FAF1: variants seen among roughly 807,000 people sequenced by gnomAD.
FAF1 encodes the protein FAS-associated factor 1.
A neutral mutation model predicts 92.5 loss-of-function variants in FAF1; 25 were observed. The observed-to-expected ratio is 0.27, with a 90% CI of 0.20 to 0.38. The LOEUF is 0.38. FAF1 is among the 10% of genes least tolerant of loss of function. The pLI is 1.00. For missense variants in FAF1, 636 were observed against 793.3 expected, an observed-to-expected ratio of 0.80 and a Z score of 2.38; for synonymous variants, 234 against 273.2, an observed-to-expected ratio of 0.86 and a Z score of 1.42.
intron 1 of FAF1, among the ~76,000 whole-genome samples, chr1:50,873,090 G>A (rs187255399): frequency 4.3e-4 from 66 of 152,206 alleles, no homozygotes; most frequent in Non-Finnish European, 6.5e-4. Flanking sequence ...CCCTTCACCA[G>A]CAAAAAGATT....
At chr1:50,806,172 CAAGTCAATAAGAAAATGGGGGA>C (rs369142458) in intron 2 of FAF1, among the ~76,000 whole-genome samples, 1,970 of 151,886 alleles carry the variant, frequency 0.013, 41 homozygotes, top group African/African-American at 0.044. Context: ...CTTAACAAGA[CAAGTCAATAAGAAAATGGGGGA>C]AAGTCAATAA....
chr1:50,731,687 A>C (rs1390663362), intron 6 of FAF1, among the ~76,000 whole-genome samples: 1 of 152,036 alleles, frequency 6.6e-6, no homozygotes, highest in African/African-American at 2.4e-5. Flanking sequence ...TTGTCTTCTA[A>C]TTGGTGGACT....
rs746244187 is a variant in FAF1 at position 50,653,403 on chromosome 1, TG to T, written c.744+2038del. On this transcript the variant is annotated intron_variant, in intron 8 of 18. Coordinates refer to ENST00000396153, the MANE Select transcript of FAF1 (RefSeq NM_007051.3). ...GTTTTGCTCTTATTGCCCAGTGGAG[TG>T]CAATGGCACAATCTTGGCTCACTGC... Among the ~76,000 whole-genome samples the T allele has an allele frequency of 2.0e-5, 3 of 152,152 alleles. No individual in the cohort carries two copies. The East Asian group carries it at 5.8e-4, about 29-fold the overall frequency.
chr1:50,941,039 T>G (rs1291823277), intron 1 of FAF1, among the ~76,000 whole-genome samples: 8 of 151,844 alleles, frequency 5.3e-5, no homozygotes, highest in Non-Finnish European at 5.9e-5. Context: ...TTTGGTTTTT[T>G]TTTTTTTTTT....
At chr1:50,627,408 C>T (rs1361748232) in intron 8 of FAF1, among the ~76,000 whole-genome samples, 1 of 151,980 alleles carries the variant, frequency 6.6e-6, no homozygotes, top group East Asian at 1.9e-4. Flanking sequence ...TTTTAAATAG[C>T]CCAGAAGTGA....
intron 2 of FAF1, among the ~76,000 whole-genome samples, chr1:50,850,934 C>T (rs1644343397): frequency 6.6e-6 from 1 of 152,118 alleles, no homozygotes; most frequent in Non-Finnish European, 1.5e-5. Flanking sequence ...GTGTGCTAAA[C>T]CACTGACTTT....
intron 6 of FAF1, among the ~76,000 whole-genome samples, chr1:50,707,072 G>A (rs1355075137): frequency 3.3e-5 from 5 of 151,908 alleles, no homozygotes; most frequent in East Asian, 3.9e-4. Flanking sequence ...GTGTGGTGGC[G>A]GGCACCTGTA....
intron 15 of FAF1, among the ~76,000 whole-genome samples, chr1:50,532,941 A>G (rs1648258917): frequency 6.6e-6 from 1 of 152,168 alleles, no homozygotes; most frequent in Admixed American, 6.5e-5. Flanking sequence ...CCTTCTGAGT[A>G]GCTAGGACTA....
At chr1:50,821,876 T>A (rs544456461) in intron 2 of FAF1, among the ~76,000 whole-genome samples, 3 of 152,068 alleles carry the variant, frequency 2.0e-5, no homozygotes, top group African/African-American at 7.2e-5. Context: ...AAGAAGTAGA[T>A]TGCAGACAAC....
At chr1:50,475,326 T>A in intron 18 of FAF1, 138 bp downstream of exon 18, 7 of 646,176 alleles carry the variant, frequency 1.1e-5, no homozygotes, top group South Asian at 8.3e-5. Flanking sequence ...GAGAGAATGG[T>A]GTGCAGAACA....
intron 15 of FAF1, among the ~76,000 whole-genome samples, chr1:50,533,239 T>C (rs1363626138): frequency 1.3e-5 from 2 of 152,086 alleles, no homozygotes; most frequent in African/African-American, 4.8e-5. Flanking sequence ...CCCTGGCTAA[T>C]TTTTGTATTT....
At chr1:50,725,218 A>C (rs1658594195) in intron 6 of FAF1, among the ~76,000 whole-genome samples, 1 of 152,098 alleles carries the variant, frequency 6.6e-6, no homozygotes, top group Non-Finnish European at 1.5e-5. Context: ...GAACACCTAA[A>C]ACTCTAGAAG....
chr1:50,745,699 G>C (rs1010838134), intron 4 of FAF1, among the ~76,000 whole-genome samples: 1 of 152,150 alleles, frequency 6.6e-6, no homozygotes, highest in Non-Finnish European at 1.5e-5. Context: ...TTCCTATAAA[G>C]TCCATGGAAC....
At chr1:50,829,774 A>C (rs150953606) in intron 2 of FAF1, among the ~76,000 whole-genome samples, 26 of 152,368 alleles carry the variant, frequency 1.7e-4, no homozygotes, top group African/African-American at 5.8e-4. Context: ...CTGAGTTGCC[A>C]ATTATTGACA....
chr1:50,825,413 A>G (rs1242646318), intron 2 of FAF1, among the ~76,000 whole-genome samples: 1 of 152,134 alleles, frequency 6.6e-6, no homozygotes, highest in Non-Finnish European at 1.5e-5. Context: ...GTCCTATGTA[A>G]TACAAGACAT....
In FAF1 at chr1:50,696,709, G is replaced by A. The variant is rs372948241; in HGVS notation, c.657+9077C>T. On this transcript the variant is annotated intron_variant, in intron 7 of 18. Transcript: ENST00000396153. ...AAGTACAAACAGAATTGGTTTCTCT[G>A]TGTCACTCATGGGACTTTCCCAGTA... 1.9e-4 allele frequency among the ~76,000 whole-genome samples: 29 copies of A among 152,070 alleles called. No individual in the cohort carries two copies. In the South Asian group the frequency reaches 5.8e-3, roughly 31 times the overall value.
intron 6 of FAF1, among the ~76,000 whole-genome samples, chr1:50,722,695 A>C (rs1658465523): frequency 6.6e-6 from 1 of 151,576 alleles, no homozygotes; most frequent in African/African-American, 2.4e-5. Flanking sequence ...TGGCTCATCC[A>C]TTAACTAGCT....
At chr1:50,751,318 C>T (rs1176400023) in intron 4 of FAF1, among the ~76,000 whole-genome samples, 1 of 151,982 alleles carries the variant, frequency 6.6e-6, no homozygotes, top group Non-Finnish European at 1.5e-5. Flanking sequence ...CAGCACTATT[C>T]AGCATTTCTA....
At chr1:50,723,213 C>T (rs771832598) in intron 6 of FAF1, among the ~76,000 whole-genome samples, 1 of 152,000 alleles carries the variant, frequency 6.6e-6, no homozygotes, top group Non-Finnish European at 1.5e-5. Flanking sequence ...CCAGCCTGGC[C>T]AACACGGCAA....
Sources: allele counts gnomAD v4.1 joint callset (sites outside exome capture counted in the v4.1 genomes callset), GRCh38; gene constraint gnomAD v4.1.1; transcripts MANE v1.5; gene names NCBI Gene and HGNC (gene_info 2026-07-23, HGNC 2026-07-21).